The following PCDHA7 variants were observed in gnomAD, a reference collection of about 807,000 sequenced individuals.
The protein encoded by PCDHA7 is protocadherin alpha 7, also known as protocadherin alpha-7.
Under a neutral mutation model 57.2 loss-of-function variants are expected in PCDHA7, and 37 were observed. The observed-to-expected ratio is 0.65, with a 90% CI of 0.50 to 0.85. PCDHA7 has a LOEUF of 0.85. Ranked by LOEUF, PCDHA7 falls within the 40% of genes least tolerant of loss-of-function variation. The probability of loss-of-function intolerance (pLI) is 0.00; values close to 1 mark genes in which losing one functional copy is unlikely to be tolerated. For missense variants in PCDHA7, 1,188 were observed against 1,241.8 expected (o/e 0.96, Z 0.65); for synonymous variants, 553 against 558.8 (o/e 0.99, Z 0.15).
At chr5:140,993,406 T>C (rs1382987714) in intron 3 of PCDHA7, among the ~76,000 whole-genome samples, 2 of 150,998 alleles carry the variant, frequency 1.3e-5, no homozygotes, top group South Asian at 4.2e-4. Flanking sequence ...TTAACCACCT[T>C]CATCAGCATT....
chr5:140,868,938 T>A (rs2050744008), intron 1 of PCDHA7: 1 of 1,227,724 alleles, frequency 8.1e-7, no homozygotes, highest in Non-Finnish European at 1.1e-6. Flanking sequence ...AAGGTTGGTC[T>A]GAACAGTGAG....
At chr5:140,837,131 A>G (rs1181780684) in intron 1 of PCDHA7, 1 of 155,420 alleles carries the variant, frequency 6.4e-6, no homozygotes, top group African/African-American at 2.4e-5. Flanking sequence ...ATTTTATTCT[A>G]TGTATTGTCC....
intron 1 of PCDHA7, among the ~76,000 whole-genome samples, chr5:140,901,699 A>G (rs1373176124): frequency 6.6e-6 from 1 of 152,124 alleles, no homozygotes; most frequent in East Asian, 1.9e-4. Context: ...TTGTAGTTCT[A>G]TATACATTTT....
rs1359916127 is a variant in PCDHA7 at position 140,835,558 on chromosome 5, G to A, written c.1175G>A (p.Arg392His). Residue 392 changes from arginine (R) to histidine (H), a missense_variant, in exon 1 of 4, where the codon CGC (arginine) becomes CAC (histidine). Physicochemically the swap from Arg to His is conservative, Grantham distance 29. Coordinates refer to ENST00000525929, the MANE Select transcript of PCDHA7 (RefSeq NM_018910.3). ...CAGGTTACCTGCTCCCTGACGCCCC[G>A]CGTTCCCTTCAAGTTGGTGTCCACC... is the stretch of plus-strand genomic sequence containing the variant. The part of the protein sequence containing the change: ...NGQVTCSLTP[R>H]VPFKLVSTFK... 8.1e-6 allele frequency: 13 copies of A among 1,613,894 alleles called. No homozygotes were observed. Among genetic ancestry groups the A allele is most frequent in the Non-Finnish European group, 1.0e-5 (12 of 1,179,860 alleles).
rs782333249 is a variant in PCDHA7 at position 140,978,931 on chromosome 5, CTCTT to C, written c.2356-16_2356-13del. On this transcript the variant is annotated splice_polypyrimidine_tract_variant and intron_variant, in intron 1 of 3. Coordinates refer to ENST00000525929, the MANE Select transcript of PCDHA7 (RefSeq NM_018910.3). ...TGTCTTGTCATTTTAACAGAAAACTCTCTTTGTGATTTTGCAGCCACGACAGCCC... is the reference window on the plus strand; with the variant it reads ...TGTCTTGTCATTTTAACAGAAAACTCTGTGATTTTGCAGCCACGACAGCCC... 4.3e-6 allele frequency: 7 copies of C among 1,614,126 alleles called. No individual in the cohort carries two copies. The Admixed American group carries it at 6.7e-5, about 15-fold the overall frequency.
intron 1 of PCDHA7, among the ~76,000 whole-genome samples, chr5:140,953,024 G>A (rs2094834462): frequency 6.6e-6 from 1 of 152,026 alleles, no homozygotes; most frequent in South Asian, 2.1e-4. Context: ...AACATTAAGG[G>A]GGAAATCCAC....
intron 3 of PCDHA7, among the ~76,000 whole-genome samples, chr5:140,998,180 A>C (rs2097799784): frequency 6.6e-6 from 1 of 152,122 alleles, no homozygotes; most frequent in East Asian, 1.9e-4. Context: ...TATTCTAAGC[A>C]CTTTACAAGT....
In PCDHA7 at chr5:140,884,801, A is replaced by AT. The variant is rs2060359948; in HGVS notation, c.2355+48063_2355+48064insT. 5 of 1,250,206 alleles carry AT rather than the reference A, an allele frequency of 4.0e-6. No individual in the cohort carries two copies. In the South Asian group the frequency reaches 8.8e-5, roughly 22 times the overall value. 77.4% of individuals were successfully genotyped at this position (1,250,206 alleles called of 1,614,324 possible). A position where few individuals can be genotyped will look rare whatever the true frequency, so the allele number is the denominator to read the frequency against. On this transcript the variant is annotated intron_variant, in intron 1 of 3. Coordinates refer to ENST00000525929, the MANE Select transcript of PCDHA7 (RefSeq NM_018910.3). ...TTTGCTAGTTGTTATCGAATTTAACAACTCTGCTGTGGACATTATGTGTTG... is the reference window on the plus strand; with the variant it reads ...TTTGCTAGTTGTTATCGAATTTAACATACTCTGCTGTGGACATTATGTGTTG...
At chr5:140,985,936 T>C (rs1379150817) in intron 3 of PCDHA7, among the ~76,000 whole-genome samples, 3 of 152,038 alleles carry the variant, frequency 2.0e-5, no homozygotes, top group Non-Finnish European at 2.9e-5. Context: ...AGCCGGGGTT[T>C]CACTGTGTTA....
intron 1 of PCDHA7, chr5:140,882,427 G>C (rs201675412): frequency 1.6e-4 from 264 of 1,613,972 alleles, no homozygotes; most frequent in Middle Eastern, 1.7e-4. Context: ...AGGACCTGGG[G>C]CTGGAGCTGG....
intron 1 of PCDHA7, among the ~76,000 whole-genome samples, chr5:140,889,903 A>G (rs2062424264): frequency 6.6e-6 from 1 of 152,126 alleles, no homozygotes; most frequent in African/African-American, 2.4e-5. Flanking sequence ...CTACCTTGAG[A>G]TTGTCATACT....
intron 3 of PCDHA7, among the ~76,000 whole-genome samples, chr5:140,985,246 T>C (rs2097143888): frequency 6.6e-6 from 1 of 152,110 alleles, no homozygotes; most frequent in African/African-American, 2.4e-5. Flanking sequence ...CTAATCTTCT[T>C]ACTCTTTTTT....
Position 140,877,369 on chromosome 5 carries a change from A to C in PCDHA7, c.2355+40631A>C, listed in dbSNP as rs201135340. 6.4e-5 allele frequency: 103 copies of C among 1,614,000 alleles called. No homozygotes were observed. The African/African-American group carries it at 1.3e-3, about 20-fold the overall frequency. ...GGGGCTGTACACTGGCGAGATCAGC[A>C]CGACACGCATCCTGGATGAGGCGGA... On this transcript the variant is annotated intron_variant, in intron 1 of 3. Transcript: ENST00000525929.
intron 1 of PCDHA7, among the ~76,000 whole-genome samples, chr5:140,895,301 C>T (rs2064953096): frequency 6.6e-6 from 1 of 152,000 alleles, no homozygotes; most frequent in Non-Finnish European, 1.5e-5. Flanking sequence ...TCGATTTCCC[C>T]CCTTCCACCC....
chr5:141,009,820 CT>C lies in PCDHA7; in HGVS notation c.2699del (p.Phe900SerfsTer2). On this transcript the variant is annotated frameshift_variant, in exon 4 of 4. Transcript: ENST00000525929. LOFTEE classifies it high-confidence loss of function. ...CTAACAGCCAAATTGACAAAAGTGACTTCATAACCTTCGGCAAAAAGGAGGA... is the reference window on the plus strand; with the variant it reads ...CTAACAGCCAAATTGACAAAAGTGACTCATAACCTTCGGCAAAAAGGAGGA... ...PTNSQIDKSDFITFGKKEETK... is the reference protein window; with the variant it reads ...PTNSQIDKSDXITFGKKEETK... 6.2e-7 allele frequency: 1 copy of C among 1,613,960 alleles called. No individual in the cohort carries two copies. Among genetic ancestry groups the C allele is most frequent in the Non-Finnish European group, 8.5e-7 (1 of 1,179,996 alleles).
rs781871079 is a variant in PCDHA7, at chr5:140,857,427, C to T, written c.2355+20689C>T. 3 of 1,598,334 alleles carry T rather than the reference C, an allele frequency of 1.9e-6. No individual in the cohort carries two copies. In the East Asian group the frequency reaches 6.7e-5, roughly 36 times the overall value. ...CCTGCGTTCGCGCAGTCCGAGTACA[C>T]GGTGTTCGTGAAGGAGAACAACCCG... On this transcript the variant is annotated intron_variant, in intron 1 of 3. Coordinates refer to ENST00000525929, the MANE Select transcript of PCDHA7 (RefSeq NM_018910.3).
Position 140,883,794 on chromosome 5 carries a change from C to T in PCDHA7, c.2355+47056C>T, listed in dbSNP as rs781822448. On this transcript the variant is annotated intron_variant, in intron 1 of 3. Coordinates refer to ENST00000525929, the MANE Select transcript of PCDHA7 (RefSeq NM_018910.3). ...GAGCGTGCGCTGTCGAGCTACGTGT[C>T]GGTGCACGCGGAGAGCGGCAAGGTG... 8 of 1,612,476 alleles carry T rather than the reference C, an allele frequency of 5.0e-6. No individual in the cohort carries two copies. The East Asian group carries it at 1.6e-4, about 31-fold the overall frequency.
intron 1 of PCDHA7, among the ~76,000 whole-genome samples, chr5:140,886,624 G>A (rs1204732273): frequency 6.6e-6 from 1 of 151,636 alleles, no homozygotes; most frequent in African/African-American, 2.4e-5. Context: ...TCAGGAGTCC[G>A]AGACCAGCCT....
chr5:140,851,390 C>T (rs1410826615), intron 1 of PCDHA7: 3 of 973,626 alleles, frequency 3.1e-6, no homozygotes, highest in East Asian at 2.2e-4. Flanking sequence ...CCTTCAGTAT[C>T]TATTATTTTA....
Sources: gnomAD v4.1 joint callset for allele counts (sites outside exome capture counted in the v4.1 genomes callset) on GRCh38, gnomAD v4.1.1 for gene constraint, MANE v1.5 for transcripts, NCBI Gene and HGNC (gene_info 2026-07-23, HGNC 2026-07-21) for gene names.